Variants in FAM133A observed in about 807,000 individuals in gnomAD.
The protein encoded by FAM133A is family with sequence similarity 133 member A.
For missense variants in FAM133A, 159 were observed against 164.4 expected (o/e 0.97, Z 0.18); for synonymous variants, 65 against 58.6 (o/e 1.11, Z -0.50).
chrX:93,681,545 C>T (rs986855729), intron 2 of FAM133A, among the ~76,000 whole-genome samples: 11 of 111,634 alleles, frequency 9.9e-5, no homozygotes, highest in Non-Finnish European at 1.7e-4. Context: ...AGTATTGATA[C>T]TTTCAAGGTG....
chrX:93,692,467 G>A (rs1440092796), intron 2 of FAM133A, among the ~76,000 whole-genome samples: 4 of 111,954 alleles, frequency 3.6e-5, no homozygotes, highest in African/African-American at 1.3e-4. Flanking sequence ...ACTAACACTT[G>A]TCTTATAAAG....
chrX:93,676,331 C>T (rs1249930184), intron 2 of FAM133A, among the ~76,000 whole-genome samples: 1 of 111,542 alleles, frequency 9.0e-6, no homozygotes, highest in East Asian at 2.8e-4. Flanking sequence ...GTAATCACTA[C>T]TTACATTTGT....
At chrX:93,709,243 A>G in intron 3 of FAM133A, 74 bp from the exon 4 acceptor site, 1 of 631,372 alleles carries the variant, frequency 1.6e-6, no homozygotes, top group Non-Finnish European at 2.2e-6. Flanking sequence ...GGCAGTGTTA[A>G]CAATTAAGCT....
At position 93,700,986 on chromosome X, in the gene FAM133A, T is replaced by C. The variant is rs781034075; in HGVS notation, c.-104+2501T>C. Reference sequence around the variant, plus strand: ...TGGGAAAAATAGTAAAGAACTCCCCTGGTATTTTGCTTCCTATGCTTAAGG... The same window carrying C: ...TGGGAAAAATAGTAAAGAACTCCCCCGGTATTTTGCTTCCTATGCTTAAGG... On this transcript the variant is annotated intron_variant, in intron 3 of 3. Coordinates refer to ENST00000683942, the MANE Select transcript of FAM133A (RefSeq NM_001171109.2). Among the ~76,000 whole-genome samples, 12 of 111,388 alleles carry C rather than the reference T, an allele frequency of 1.1e-4. No individual in the cohort carries two copies. In the South Asian group the frequency reaches 1.1e-3, roughly 10 times the overall value.
chrX:93,697,054 A>C (rs1274823972), intron 2 of FAM133A, among the ~76,000 whole-genome samples: 1 of 109,336 alleles, frequency 9.1e-6, no homozygotes, highest in Non-Finnish European at 1.9e-5. Flanking sequence ...GTGTATAAGA[A>C]TCAACCGGAG....
chrX:93,710,432 A>G lies in FAM133A; in HGVS notation c.*266A>G. On this transcript the variant is annotated 3_prime_UTR_variant, in exon 4 of 4. Transcript: ENST00000683942. ...TTAGATAATGAATAACTTTGACAAA[A>G]AAAAGTGTATCTAAGGTTAAATGTA... is the stretch of plus-strand genomic sequence containing the variant. 1 of 272,397 alleles carries G rather than the reference A, an allele frequency of 3.7e-6. No homozygotes were observed. The allele number at this position is 272,397 out of a possible 1,213,427, so 22.4% of individuals were successfully genotyped here.
intron 3 of FAM133A, among the ~76,000 whole-genome samples, chrX:93,701,644 A>T (rs757610427): frequency 4.9e-4 from 55 of 111,852 alleles, no homozygotes; most frequent in Non-Finnish European, 7.5e-4. Context: ...GTCAAGAAAG[A>T]ATCAAGAAAG....
At chrX:93,682,648 T>G (rs1422863896) in intron 2 of FAM133A, among the ~76,000 whole-genome samples, 1 of 111,569 alleles carries the variant, frequency 9.0e-6, no homozygotes, top group African/African-American at 3.3e-5. Flanking sequence ...AAAGTTTTGC[T>G]CTTGTTGCCC....
rs890420407 is a variant in FAM133A at position 93,674,259 on chromosome X, G to A, written c.-280G>A. Reference sequence around the variant, plus strand: ...TGGTTTATATCCATCTACAAGGTTTGCGAACCCATGTTGCCGTGAGTCAGT... The same window carrying A: ...TGGTTTATATCCATCTACAAGGTTTACGAACCCATGTTGCCGTGAGTCAGT... On this transcript the variant is annotated 5_prime_UTR_variant, in exon 1 of 4. Coordinates refer to ENST00000683942, the MANE Select transcript of FAM133A (RefSeq NM_001171109.2). 1 of 111,041 alleles carries A rather than the reference G, an allele frequency of 9.0e-6. No homozygotes were observed. The highest frequency in any genetic ancestry group is 3.3e-5 in the African/African-American group (1 of 30,508). The allele number at this position is 111,041 out of a possible 1,213,427, so 9.2% of individuals were successfully genotyped here.
chrX:93,708,287 A>G (rs1437231614), intron 3 of FAM133A, among the ~76,000 whole-genome samples: 1 of 112,267 alleles, frequency 8.9e-6, no homozygotes, highest in African/African-American at 3.2e-5. Flanking sequence ...GAGTGAAACA[A>G]AACAAAAGTA....
chrX:93,683,048 T>C (rs768322414), intron 2 of FAM133A, among the ~76,000 whole-genome samples: 29 of 112,267 alleles, frequency 2.6e-4, no homozygotes, highest in Admixed American at 1.7e-3. Flanking sequence ...CAAATTACAT[T>C]AGTTTACTAA....
chrX:93,711,465 G>C lies in FAM133A; in HGVS notation c.*1299G>C, dbSNP rs1352551692. The C allele has an allele frequency of 8.2e-6, 1 of 122,523 alleles. No individual in the cohort carries two copies. Among genetic ancestry groups the C allele is most frequent in the African/African-American group, 3.3e-5 (1 of 30,666 alleles). The allele number at this position is 122,523 out of a possible 1,213,427, so 10.1% of individuals were successfully genotyped here. A position where few individuals can be genotyped will look rare whatever the true frequency, so the allele number is the denominator to read the frequency against. Reference sequence around the variant, plus strand: ...ACTTTTACCACTAGTGTAAAAATAAGTGAAAAAATATTTTTACTTTACATT... The same window carrying C: ...ACTTTTACCACTAGTGTAAAAATAACTGAAAAAATATTTTTACTTTACATT... On this transcript the variant is annotated 3_prime_UTR_variant, in exon 4 of 4. Transcript: ENST00000683942.
chrX:93,685,556 A>C (rs183515659), intron 2 of FAM133A, among the ~76,000 whole-genome samples: 2 of 111,955 alleles, frequency 1.8e-5, no homozygotes, highest in Admixed American at 1.9e-4. Context: ...TGCTTACTGG[A>C]CTGAAATTTG....
At chrX:93,692,939 G>A (rs1473842643) in intron 2 of FAM133A, among the ~76,000 whole-genome samples, 1 of 111,413 alleles carries the variant, frequency 9.0e-6, no homozygotes, top group African/African-American at 3.3e-5. Flanking sequence ...TTCCTACTAA[G>A]AGGATCAGAA....
rs751275109 is a variant in FAM133A, at chrX:93,692,426, G to C, written c.-192-5971G>C. ...AATGCTCAGTAACATAGTATGTATT[G>C]AGATGCCAATTCAGTCAAAAAACAT... On this transcript the variant is annotated intron_variant, in intron 2 of 3. Transcript: ENST00000683942. Among the ~76,000 whole-genome samples, 3 of 111,855 alleles carry C rather than the reference G, an allele frequency of 2.7e-5. No homozygotes were observed. In the East Asian group the frequency reaches 8.4e-4, roughly 31 times the overall value.
intron 3 of FAM133A, among the ~76,000 whole-genome samples, chrX:93,707,261 C>T (rs781031314): frequency 2.2e-3 from 249 of 111,064 alleles, no homozygotes; most frequent in African/African-American, 7.1e-3. Context: ...TACAGAAAGA[C>T]CTAAAAGGGC....
chrX:93,708,970 G>A (rs1409024202), intron 3 of FAM133A, among the ~76,000 whole-genome samples: 1 of 111,552 alleles, frequency 9.0e-6, no homozygotes, highest in Non-Finnish European at 1.9e-5. Flanking sequence ...GTCTGGTACA[G>A]ATTTTAGTTT....
intron 3 of FAM133A, among the ~76,000 whole-genome samples, chrX:93,702,985 C>T (rs1215960522): frequency 1.8e-5 from 2 of 109,635 alleles, no homozygotes; most frequent in African/African-American, 6.6e-5. Context: ...TCCAGGAGTT[C>T]GTGATCAGCC....
At chrX:93,683,186 C>T (rs1398664749) in intron 2 of FAM133A, among the ~76,000 whole-genome samples, 2 of 111,682 alleles carry the variant, frequency 1.8e-5, no homozygotes, top group African/African-American at 6.5e-5. Flanking sequence ...AATGATGATC[C>T]ACATTTAATA....
Sources: gnomAD v4.1 joint callset for allele counts (sites outside exome capture counted in the v4.1 genomes callset) on GRCh38, gnomAD v4.1.1 for gene constraint, MANE v1.5 for transcripts, NCBI Gene and HGNC (gene_info 2026-07-23, HGNC 2026-07-21) for gene names.